DACH2: variants seen among roughly 807,000 people sequenced by gnomAD.
The protein encoded by DACH2 is dachshund family transcription factor 2, also known as dachshund homolog 2.
In DACH2, 17 loss-of-function variants were observed where a neutral mutation model predicts 35.8. The ratio of observed to expected loss-of-function variants is 0.48; its 90% CI spans 0.33 to 0.71. The LOEUF (loss-of-function observed/expected upper bound fraction) is 0.71, where lower values mean the gene tolerates loss of function less well. Ranked by LOEUF, DACH2 falls within the 30% of genes least tolerant of loss-of-function variation. DACH2 has a pLI of 0.02. For synonymous variants in DACH2, 195 were observed against 177.3 expected, an observed-to-expected ratio of 1.10 and a Z score of -0.79; for missense variants, 469 against 472.7, an observed-to-expected ratio of 0.99 and a Z score of 0.07.
At position 86,726,480 on chromosome X, in the gene DACH2, G is replaced by A. The variant is rs186889615; in HGVS notation, c.1104+11760G>A. Among the ~76,000 whole-genome samples, 191 of 111,072 alleles carry A rather than the reference G, an allele frequency of 1.7e-3. 3 individuals carry two copies. The highest frequency in any genetic ancestry group is 0.012 in the Admixed American group (130 of 10,422). ...TTGCAGCAGCCTCAAGCAGGGTGGC[G>A]GAGATTGTCCTAGGGGTGTGTGGGA... is the stretch of plus-strand genomic sequence containing the variant. On this transcript the variant is annotated intron_variant, in intron 6 of 11. Coordinates refer to ENST00000373125, the MANE Select transcript of DACH2 (RefSeq NM_053281.3).
intron 1 of DACH2, among the ~76,000 whole-genome samples, chrX:86,237,686 G>A (rs1304771841): frequency 8.9e-6 from 1 of 111,938 alleles, no homozygotes; most frequent in Non-Finnish European, 1.9e-5. Flanking sequence ...GCGGCAAGGG[G>A]TGTGTGAGTG....
intron 2 of DACH2, among the ~76,000 whole-genome samples, chrX:86,503,819 C>T (rs2038284950): frequency 9.0e-6 from 1 of 111,576 alleles, no homozygotes; most frequent in Non-Finnish European, 1.9e-5. Flanking sequence ...TCATTGGAAA[C>T]TAGAAGGAAA....
chrX:86,706,069 A>G (rs1347542536), intron 5 of DACH2, among the ~76,000 whole-genome samples: 1 of 111,176 alleles, frequency 9.0e-6, no homozygotes, highest in Non-Finnish European at 1.9e-5. Flanking sequence ...ACAGAGTGGT[A>G]TAATGGACAT....
intron 3 of DACH2, among the ~76,000 whole-genome samples, chrX:86,519,736 A>G (rs2038523954): frequency 9.0e-6 from 1 of 110,757 alleles, no homozygotes; most frequent in Non-Finnish European, 1.9e-5. Flanking sequence ...GGTGTCAGTA[A>G]TAACATTCCC....
At chrX:86,313,208 T>C (rs1161629988) in intron 1 of DACH2, among the ~76,000 whole-genome samples, 2 of 111,602 alleles carry the variant, frequency 1.8e-5, no homozygotes, top group African/African-American at 6.5e-5. Flanking sequence ...TTAAAAATCT[T>C]ATAGATCTAG....
intron 3 of DACH2, among the ~76,000 whole-genome samples, chrX:86,551,333 C>T (rs1214585689): frequency 1.8e-5 from 2 of 111,607 alleles, no homozygotes; most frequent in African/African-American, 6.5e-5. Context: ...TTGAAGGCAT[C>T]CTTGAATATT....
intron 1 of DACH2, among the ~76,000 whole-genome samples, chrX:86,367,004 C>A (rs953511273): frequency 3.6e-5 from 4 of 109,589 alleles, no homozygotes; most frequent in Non-Finnish European, 7.7e-5. Flanking sequence ...TGGACTAATG[C>A]ACCATATTTT....
chrX:86,295,795 A>G lies in DACH2; in HGVS notation c.489-81029A>G, dbSNP rs949177683. ...ATAAGCTTCAAAAGACAGAGGAGCCAGGGGGATTTGGGAGGGGTGGCATCA... is the reference window on the plus strand; with the variant it reads ...ATAAGCTTCAAAAGACAGAGGAGCCGGGGGGATTTGGGAGGGGTGGCATCA... On this transcript the variant is annotated intron_variant, in intron 1 of 11. Coordinates refer to ENST00000373125, the MANE Select transcript of DACH2 (RefSeq NM_053281.3). 3.6e-5 allele frequency among the ~76,000 whole-genome samples: 4 copies of G among 110,594 alleles called. No individual in the cohort carries two copies. In the East Asian group the frequency reaches 1.1e-3, roughly 32 times the overall value.
chrX:86,679,924 C>T (rs2040862189), intron 4 of DACH2, among the ~76,000 whole-genome samples: 1 of 111,047 alleles, frequency 9.0e-6, no homozygotes, highest in African/African-American at 3.3e-5. Context: ...TACTGTGCAA[C>T]TGAATTCGGG....
chrX:86,627,576 G>C (rs764955747), intron 3 of DACH2, among the ~76,000 whole-genome samples: 1 of 111,797 alleles, frequency 8.9e-6, no homozygotes, highest in South Asian at 3.7e-4. Flanking sequence ...TGGAGGTTGA[G>C]AATCAGTCTC....
At chrX:86,822,719 A>T (rs1293466435) in intron 11 of DACH2, among the ~76,000 whole-genome samples, 2 of 111,629 alleles carry the variant, frequency 1.8e-5, no homozygotes. Flanking sequence ...TAATTAAACG[A>T]AATAGTCTAA....
intron 1 of DACH2, among the ~76,000 whole-genome samples, chrX:86,219,950 A>G (rs947191014): frequency 9.1e-5 from 9 of 99,349 alleles, no homozygotes; most frequent in African/African-American, 3.4e-4. Context: ...TGAGGTCAGG[A>G]GTTCCAGACT....
intron 2 of DACH2, among the ~76,000 whole-genome samples, chrX:86,444,232 C>G (rs755438452): frequency 2.7e-5 from 3 of 111,429 alleles, no homozygotes; most frequent in Non-Finnish European, 5.6e-5. Flanking sequence ...ACTACAGGCA[C>G]ACACCACGAT....
chrX:86,612,567 C>T (rs2039959159), intron 3 of DACH2, among the ~76,000 whole-genome samples: 1 of 111,757 alleles, frequency 8.9e-6, no homozygotes, highest in South Asian at 3.7e-4. Context: ...GATCTAAATG[C>T]TCTCTTTGTG....
chrX:86,781,287 G>A (rs7051088), intron 7 of DACH2, among the ~76,000 whole-genome samples: 32,786 of 110,373 alleles, frequency 0.3, 3,844 homozygotes, highest in Middle Eastern at 0.39. Flanking sequence ...TTCTGAAGCC[G>A]GGAGATAGAA....
At chrX:86,244,490 T>C (rs1174575018) in intron 1 of DACH2, among the ~76,000 whole-genome samples, 1 of 111,952 alleles carries the variant, frequency 8.9e-6, no homozygotes, top group Non-Finnish European at 1.9e-5. Context: ...GGCATGCACC[T>C]CTAGTTCCAG....
Position 86,414,937 on chromosome X carries a change from C to T in DACH2, c.527+38075C>T, listed in dbSNP as rs143048340. ...CTAGAGGGACAGGACTTATAGGACT[C>T]AAATGTTAATCCTTCTTTGGCAGCA... On this transcript the variant is annotated intron_variant, in intron 2 of 11. Coordinates refer to ENST00000373125, the MANE Select transcript of DACH2 (RefSeq NM_053281.3). Among the ~76,000 whole-genome samples, 58 of 111,513 alleles carry T rather than the reference C, an allele frequency of 5.2e-4. No homozygotes were observed. In the East Asian group the frequency reaches 0.014, roughly 26 times the overall value.
At chrX:86,341,842 A>G (rs2035419180) in intron 1 of DACH2, among the ~76,000 whole-genome samples, 1 of 112,092 alleles carries the variant, frequency 8.9e-6, no homozygotes, top group African/African-American at 3.2e-5. Context: ...CAGACATGGT[A>G]GAAAGAGCAA....
chrX:86,814,290 T>C (rs1171078857), intron 9 of DACH2, among the ~76,000 whole-genome samples: 1 of 112,405 alleles, frequency 8.9e-6, no homozygotes, highest in Non-Finnish European at 1.9e-5. Context: ...CGTTTTGAAA[T>C]ATGAATAGTA....
Sources: allele counts gnomAD v4.1 joint callset (sites outside exome capture counted in the v4.1 genomes callset), GRCh38; gene constraint gnomAD v4.1.1; transcripts MANE v1.5; gene names NCBI Gene and HGNC (gene_info 2026-07-23, HGNC 2026-07-21).